GPATCH2: variants seen among roughly 807,000 people sequenced by gnomAD.
GPATCH2 encodes the protein G patch domain-containing protein 2.
In GPATCH2, 51 loss-of-function variants were observed where a neutral mutation model predicts 58.0. The ratio of observed to expected loss-of-function variants is 0.88; its 90% CI spans 0.70 to 1.11. The LOEUF is 1.11. Among genes scored for constraint, GPATCH2 ranks in the 50% most tolerant of loss-of-function variants. The pLI is 0.00. For missense variants in GPATCH2, 625 were observed against 652.2 expected (o/e 0.96, Z 0.45); for synonymous variants, 222 against 218.5 (o/e 1.02, Z -0.14).
At chr1:217,455,888 C>G (rs573042498) in intron 8 of GPATCH2, among the ~76,000 whole-genome samples, 10 of 152,152 alleles carry the variant, frequency 6.6e-5, no homozygotes, top group Admixed American at 2.6e-4. Context: ...AGCAGAAGCA[C>G]AGCAGAATGG....
chr1:217,445,724 T>C (rs1294910707), intron 9 of GPATCH2, among the ~76,000 whole-genome samples: 1 of 152,112 alleles, frequency 6.6e-6, no homozygotes, highest in East Asian at 1.9e-4. Context: ...GAGCAGTAAA[T>C]AAGCTAAAGC....
rs543004990 is a variant in GPATCH2, at chr1:217,558,565, C to T, written c.1099-43676G>A. Among the ~76,000 whole-genome samples, 530 of 152,230 alleles carry T rather than the reference C, an allele frequency of 3.5e-3. 2 individuals are homozygous for T. Among genetic ancestry groups the T allele is most frequent in the Non-Finnish European group, 4.6e-3 (310 of 68,002 alleles). On this transcript the variant is annotated intron_variant, in intron 5 of 9. Transcript: ENST00000366935. ...CCAGCCAATCCCTATTCTTTAGCAT[C>T]GAGGTGTTTAAATTAAATTCTGGTA...
intron 4 of GPATCH2, 56 bp downstream of exon 4, chr1:217,610,833 T>C: frequency 1.7e-6 from 2 of 1,185,064 alleles, no homozygotes; most frequent in Non-Finnish European, 2.4e-6. Flanking sequence ...CTTGAATGAA[T>C]ATTCCTAGAC....
intron 8 of GPATCH2, among the ~76,000 whole-genome samples, chr1:217,452,320 A>C (rs976685489): frequency 2.0e-5 from 3 of 152,220 alleles, no homozygotes; most frequent in African/African-American, 7.2e-5. Flanking sequence ...TTTTAAAAGA[A>C]TTAAGGCTGG....
At chr1:217,486,383 T>C (rs1015621769) in intron 8 of GPATCH2, among the ~76,000 whole-genome samples, 2 of 152,228 alleles carry the variant, frequency 1.3e-5, no homozygotes, top group African/African-American at 4.8e-5. Context: ...AAGGCTGTTC[T>C]TGTCAAATGT....
At chr1:217,528,981 G>C (rs1046269695) in intron 5 of GPATCH2, among the ~76,000 whole-genome samples, 5 of 152,172 alleles carry the variant, frequency 3.3e-5, no homozygotes, top group East Asian at 1.9e-4. Context: ...AGTGAATGTG[G>C]TGCCAGTGTT....
At chr1:217,565,326 C>T (rs1666167392) in intron 5 of GPATCH2, among the ~76,000 whole-genome samples, 1 of 152,072 alleles carries the variant, frequency 6.6e-6, no homozygotes, top group Non-Finnish European at 1.5e-5. Context: ...AAACTTAATA[C>T]TTTGTATTTG....
intron 1 of GPATCH2, among the ~76,000 whole-genome samples, chr1:217,627,641 T>A (rs1669532265): frequency 6.6e-6 from 1 of 152,088 alleles, no homozygotes; most frequent in African/African-American, 2.4e-5. Flanking sequence ...TCACCTTTGT[T>A]ACCATAGGAA....
At chr1:217,507,972 T>C (rs1558442797) in intron 6 of GPATCH2, among the ~76,000 whole-genome samples, 2 of 152,204 alleles carry the variant, frequency 1.3e-5, no homozygotes, top group South Asian at 2.1e-4. Flanking sequence ...AAAAATAAAA[T>C]ACAGTGTACA....
At chr1:217,494,851 G>A (rs903891911) in intron 7 of GPATCH2, among the ~76,000 whole-genome samples, 4 of 151,762 alleles carry the variant, frequency 2.6e-5, no homozygotes, top group African/African-American at 9.7e-5. Flanking sequence ...CAGCTCAAAA[G>A]ACTCTGAAAA....
chr1:217,615,406 A>G (rs1668835731), intron 2 of GPATCH2, among the ~76,000 whole-genome samples: 1 of 152,102 alleles, frequency 6.6e-6, no homozygotes. Context: ...TTGGTAATGA[A>G]AAAATATTTT....
intron 2 of GPATCH2, among the ~76,000 whole-genome samples, chr1:217,615,158 T>C (rs1233645406): frequency 6.6e-6 from 1 of 152,100 alleles, no homozygotes. Context: ...TAAGGCATCC[T>C]AACTTGTTTT....
At chr1:217,496,843 C>T (rs1662034679) in intron 7 of GPATCH2, among the ~76,000 whole-genome samples, 1 of 151,992 alleles carries the variant, frequency 6.6e-6, no homozygotes, top group South Asian at 2.1e-4. Flanking sequence ...AACATAACTA[C>T]CATATGTAAC....
intron 8 of GPATCH2, among the ~76,000 whole-genome samples, chr1:217,463,312 C>T (rs1030278930): frequency 6.6e-6 from 1 of 152,082 alleles, no homozygotes; most frequent in African/African-American, 2.4e-5. Flanking sequence ...CACTTTATAT[C>T]TTTTTCATGC....
chr1:217,429,168 A>C lies in GPATCH2; in HGVS notation c.*1977T>G, dbSNP rs1424116214. The C allele has an allele frequency of 2.0e-5, 3 of 152,178 alleles. No homozygotes were observed. Among genetic ancestry groups the C allele is most frequent in the Non-Finnish European group, 1.5e-5 (1 of 68,030 alleles). 9.4% of individuals were successfully genotyped at this position (152,178 alleles called of 1,614,324 possible). A position where few individuals can be genotyped will look rare whatever the true frequency, so the allele number is the denominator to read the frequency against. On this transcript the variant is annotated 3_prime_UTR_variant, in exon 10 of 10. Coordinates refer to ENST00000366935, the MANE Select transcript of GPATCH2 (RefSeq NM_018040.5). The stretch of plus-strand genomic sequence containing the variant: ...ATACACTATCACAAAGAAGTTTTAA[A>C]ACTTGTATATAATCTCCCCCCGGCT...
At chr1:217,431,936 G>A (rs576475209) in intron 9 of GPATCH2, among the ~76,000 whole-genome samples, 1 of 152,016 alleles carries the variant, frequency 6.6e-6, no homozygotes, top group Non-Finnish European at 1.5e-5. Flanking sequence ...TTATTATTCA[G>A]TCTGTAACAT....
rs1298849923 is a variant in GPATCH2, at chr1:217,428,970, G to C, written c.*2175C>G. On this transcript the variant is annotated 3_prime_UTR_variant, in exon 10 of 10. Coordinates refer to ENST00000366935, the MANE Select transcript of GPATCH2 (RefSeq NM_018040.5). ...TACTTCCATTAGAACATAATAAGGT[G>C]AAAAAGAACAGCCAAGTCCTCAGGA... 6.6e-6 allele frequency: 1 copy of C among 152,040 alleles called. No homozygotes were observed. Among genetic ancestry groups the C allele is most frequent in the East Asian group, 1.9e-4 (1 of 5,188 alleles). The allele number at this position is 152,040 out of a possible 1,614,324, so 9.4% of individuals were successfully genotyped here. A position where few individuals can be genotyped will look rare whatever the true frequency, so the allele number is the denominator to read the frequency against.
At chr1:217,552,568 T>G (rs76413744) in intron 5 of GPATCH2, among the ~76,000 whole-genome samples, 60 of 152,262 alleles carry the variant, frequency 3.9e-4, no homozygotes, top group Admixed American at 1.2e-3. Context: ...CACCATAAAT[T>G]ATGTTGGAAC....
intron 5 of GPATCH2, among the ~76,000 whole-genome samples, chr1:217,574,805 C>A (rs2102727320): frequency 6.6e-6 from 1 of 152,268 alleles, no homozygotes; most frequent in East Asian, 1.9e-4. Flanking sequence ...GGATTTGAGT[C>A]CTGGTCTTTT....
Sources: allele counts gnomAD v4.1 joint callset (sites outside exome capture counted in the v4.1 genomes callset), GRCh38; gene constraint gnomAD v4.1.1; transcripts MANE v1.5; gene names NCBI Gene and HGNC (gene_info 2026-07-23, HGNC 2026-07-21).